Variants in FARP1 observed in about 807,000 individuals in gnomAD.
FARP1 encodes FERM, ARH/RhoGEF and pleckstrin domain protein 1.
In FARP1, 52 loss-of-function variants were observed where a neutral mutation model predicts 128.8. That is an observed-to-expected ratio of 0.40 (90% CI 0.32 to 0.51). FARP1 has a LOEUF of 0.51. FARP1 is among the 20% of genes least tolerant of loss of function. The pLI is 0.45. For synonymous variants in FARP1, 580 were observed against 551.8 expected (o/e 1.05, Z -0.72); for missense variants, 1,333 against 1,367.9 (o/e 0.97, Z 0.40).
intron 2 of FARP1, among the ~76,000 whole-genome samples, chr13:98,258,712 A>G (rs888700548): frequency 1.3e-5 from 2 of 151,974 alleles, no homozygotes; most frequent in African/African-American, 4.8e-5. Flanking sequence ...AAAAAAGCCA[A>G]GGTCAATTGT....
chr13:98,441,845 G>A (rs1178775329), intron 24 of FARP1, among the ~76,000 whole-genome samples: 1 of 152,150 alleles, frequency 6.6e-6, no homozygotes, highest in East Asian at 1.9e-4. Context: ...TTTCACTTCA[G>A]GGTATTGTTT....
intron 2 of FARP1, among the ~76,000 whole-genome samples, chr13:98,272,236 G>T (rs1233498436): frequency 6.6e-6 from 1 of 151,980 alleles, no homozygotes. Flanking sequence ...CACCATGTTG[G>T]CCAGGCTTGC....
At chr13:98,329,099 G>A (rs1269472667) in intron 2 of FARP1, 2 of 152,180 alleles carry the variant, frequency 1.3e-5, no homozygotes, top group African/African-American at 4.8e-5. Context: ...TAGAAACGCT[G>A]CGCTGCCTAT....
chr13:98,246,138 A>G (rs1594317010), intron 2 of FARP1, among the ~76,000 whole-genome samples: 1 of 105,318 alleles, frequency 9.5e-6, no homozygotes, highest in East Asian at 3.2e-4. Context: ...GCTGTCACCC[A>G]GGCTGGAGTG....
chr13:98,446,911 C>A lies in FARP1; in HGVS notation c.3056+94C>A, dbSNP rs901717202. 15 of 1,335,378 alleles carry A rather than the reference C, an allele frequency of 1.1e-5. No homozygotes were observed. In the African/African-American group the frequency reaches 1.9e-4, roughly 17 times the overall value. 82.7% of individuals were successfully genotyped at this position (1,335,378 alleles called of 1,614,324 possible). On this transcript the variant is annotated intron_variant, in intron 26 of 26. Coordinates refer to ENST00000319562, the MANE Select transcript of FARP1 (RefSeq NM_005766.4). Reference sequence around the variant, plus strand: ...TCCCAAGTCAGCGAGTGAGATGGCCCCACCCTTCCCTGCCAACTAAGCGTT... The same window carrying A: ...TCCCAAGTCAGCGAGTGAGATGGCCACACCCTTCCCTGCCAACTAAGCGTT...
chr13:98,419,064 A>G (rs1294179798), intron 16 of FARP1, among the ~76,000 whole-genome samples: 1 of 152,232 alleles, frequency 6.6e-6, no homozygotes, highest in Non-Finnish European at 1.5e-5. Flanking sequence ...GGCCCATTGA[A>G]GATGCCTCTC....
chr13:98,242,458 TTATGG>T (rs1882826789), intron 2 of FARP1, among the ~76,000 whole-genome samples: 1 of 152,104 alleles, frequency 6.6e-6, no homozygotes, highest in Admixed American at 6.5e-5. Flanking sequence ...AGAAGATCTC[TTATGG>T]CCAGGAGTTC....
intron 19 of FARP1, 76 bp from the exon 20 acceptor site, chr13:98,438,728 C>T (rs1041720925): frequency 9.9e-5 from 119 of 1,202,746 alleles, no homozygotes; most frequent in Non-Finnish European, 8.0e-5. Context: ...ATTTAGCCCT[C>T]GGGGTCTGCA....
chr13:98,409,456 C>T lies in FARP1; in HGVS notation c.1533C>T (p.Pro511=). The change falls in exon 14 of 27, where the codon CCC becomes CCT. Residue 511 remains proline (P), a synonymous_variant. Coordinates refer to ENST00000319562, the MANE Select transcript of FARP1 (RefSeq NM_005766.4). The part of the protein sequence containing the change: ...NLSPDTKQAS[P]LISPLLNDQA... ...GCCCCGACACCAAGCAGGCCTCTCC[C>T]TTGATCAGCCCGCTGCTGAATGACC... 6.2e-7 allele frequency: 1 copy of T among 1,614,100 alleles called. No homozygotes were observed. Among genetic ancestry groups the T allele is most frequent in the Non-Finnish European group, 8.5e-7 (1 of 1,180,014 alleles).
chr13:98,236,592 A>C (rs1024595927), intron 2 of FARP1, among the ~76,000 whole-genome samples: 2 of 152,074 alleles, frequency 1.3e-5, no homozygotes, highest in Non-Finnish European at 1.5e-5. Flanking sequence ...ATAGCCAAGA[A>C]ATAAAAAAAT....
At chr13:98,385,627 C>G in intron 7 of FARP1, 40 bp from the exon 8 acceptor site, 1 of 1,610,324 alleles carries the variant, frequency 6.2e-7, no homozygotes, top group Non-Finnish European at 8.5e-7. Context: ...ACAGGGAATT[C>G]AAATCTCCTG....
intron 2 of FARP1, among the ~76,000 whole-genome samples, chr13:98,251,942 G>A (rs1240616332): frequency 2.6e-5 from 4 of 152,138 alleles, no homozygotes; most frequent in African/African-American, 7.2e-5. Flanking sequence ...CCGCCTCCTG[G>A]GTCCAAGCGA....
At position 98,373,529 on chromosome 13, in the gene FARP1, GACAGACACACACACAC is replaced by G. The variant is rs1287206077; in HGVS notation, c.399-4288_399-4273del. On this transcript the variant is annotated intron_variant, in intron 5 of 26. Transcript: ENST00000319562. ...CCCTTTGACTTTCCAGAGACAGACA[GACAGACACACACACAC>G]ACACACACACACACACACACACACA... Among the ~76,000 whole-genome samples, 28 of 79,244 alleles carry G rather than the reference GACAGACACACACACAC, an allele frequency of 3.5e-4. No individual in the cohort carries two copies. In the East Asian group the frequency reaches 7.5e-3, roughly 21 times the overall value. The allele number at this position is 79,244 out of a possible 152,430, so 52.0% of individuals were successfully genotyped here.
intron 1 of FARP1, among the ~76,000 whole-genome samples, chr13:98,168,376 T>C (rs1047738592): frequency 6.6e-6 from 1 of 152,226 alleles, no homozygotes; most frequent in African/African-American, 2.4e-5. Flanking sequence ...TTTCCACATA[T>C]GTATCTAATT....
At chr13:98,287,204 A>AGGCCTTTTTTTTTTTTTTTT (rs1327624660) in intron 2 of FARP1, among the ~76,000 whole-genome samples, 2 of 114,820 alleles carry the variant, frequency 1.7e-5, no homozygotes, top group Non-Finnish European at 3.7e-5. Context: ...ACCATCAGAC[A>AGGCCTTTTTTTTTTTTTTTT]TGTCTTTTTT....
intron 1 of FARP1, among the ~76,000 whole-genome samples, chr13:98,145,776 C>A (rs1875491327): frequency 6.7e-6 from 1 of 150,276 alleles, no homozygotes; most frequent in African/African-American, 2.4e-5. Flanking sequence ...CCAGGAGAAT[C>A]GCCTGAACCC....
At chr13:98,417,786 A>G (rs1891444829) in intron 16 of FARP1, among the ~76,000 whole-genome samples, 1 of 152,242 alleles carries the variant, frequency 6.6e-6, no homozygotes, top group African/African-American at 2.4e-5. Flanking sequence ...CTAAGGTCAG[A>G]AAATTGTTTT....
intron 16 of FARP1, among the ~76,000 whole-genome samples, chr13:98,416,265 C>T (rs1260878337): frequency 6.6e-6 from 1 of 152,120 alleles, no homozygotes; most frequent in East Asian, 1.9e-4. Flanking sequence ...GGAAAGAGAT[C>T]TAAAGTATAA....
At chr13:98,424,212 C>A (rs1854808652) in intron 16 of FARP1, among the ~76,000 whole-genome samples, 1 of 152,202 alleles carries the variant, frequency 6.6e-6, no homozygotes. Context: ...CTACTTATTG[C>A]AAATGATCTC....
Sources: gnomAD v4.1 joint callset for allele counts (sites outside exome capture counted in the v4.1 genomes callset) on GRCh38, gnomAD v4.1.1 for gene constraint, MANE v1.5 for transcripts, NCBI Gene and HGNC (gene_info 2026-07-23, HGNC 2026-07-21) for gene names.